PICALM: variants seen among roughly 807,000 people sequenced by gnomAD.
PICALM encodes phosphatidylinositol-binding clathrin assembly protein.
Under a neutral mutation model 80.5 loss-of-function variants are expected in PICALM, and 40 were observed. The observed-to-expected ratio is 0.50, with a 90% confidence interval of 0.39 to 0.65. The LOEUF (loss-of-function observed/expected upper bound fraction) is 0.65. Ranked by LOEUF, PICALM falls within the 30% of genes least tolerant of loss-of-function variation. The pLI, the probability that PICALM is intolerant of heterozygous loss-of-function variation, is 0.00. For synonymous variants in PICALM, 288 were observed against 260.3 expected (o/e 1.11, Z -1.02); for missense variants, 676 against 778.9 (o/e 0.87, Z 1.57).
chr11:85,962,602 AG>A (rs1455714922), intron 19 of PICALM, among the ~76,000 whole-genome samples: 2 of 152,208 alleles, frequency 1.3e-5, no homozygotes, highest in African/African-American at 4.8e-5. Flanking sequence ...AATGTTGAAA[AG>A]GATTACTTTT....
At chr11:86,068,474 G>A (rs2096479113) in intron 1 of PICALM, among the ~76,000 whole-genome samples, 177 bp downstream of exon 1, 2 of 152,074 alleles carry the variant, frequency 1.3e-5, no homozygotes, top group African/African-American at 2.4e-5. Flanking sequence ...CGGAGGCCGT[G>A]AAGGCAGGTG....
rs376518372 is a variant in PICALM at position 85,964,435 on chromosome 11, C to T, written c.1945-5375G>A. Reference sequence around the variant, plus strand: ...GTTTTGTAGAAAGATGGAACTGAATCTAATCCTAACTCTCTTATAAAATGG... The same window carrying T: ...GTTTTGTAGAAAGATGGAACTGAATTTAATCCTAACTCTCTTATAAAATGG... On this transcript the variant is annotated intron_variant, in intron 19 of 19. Coordinates refer to ENST00000393346, the MANE Select transcript of PICALM (RefSeq NM_007166.4). 8.5e-5 allele frequency among the ~76,000 whole-genome samples: 13 copies of T among 152,324 alleles called. No homozygotes were observed. The East Asian group carries it at 1.3e-3, about 16-fold the overall frequency.
intron 5 of PICALM, among the ~76,000 whole-genome samples, chr11:86,014,479 T>A (rs559825238): frequency 2.0e-5 from 3 of 152,276 alleles, no homozygotes; most frequent in East Asian, 1.9e-4. Flanking sequence ...CTATTTAAAC[T>A]TCTTCTTCTG....
Position 86,068,728 on chromosome 11 carries a change from G to C in PICALM, c.53C>G (p.Thr18Ser). 6.2e-7 allele frequency: 1 copy of C among 1,613,078 alleles called. No homozygotes were observed. Among genetic ancestry groups the C allele is most frequent in the Non-Finnish European group, 8.5e-7 (1 of 1,179,804 alleles). ...DRITAAQHSVTGSAVSKTVCK... is the reference protein window; with the variant it reads ...DRITAAQHSVSGSAVSKTVCK... Reference sequence around the variant, plus strand: ...TACTGTCTTGGATACGGCAGAGCCGGTGACACTGTGCTGGGCGGCAGTGAT... The same window carrying C: ...TACTGTCTTGGATACGGCAGAGCCGCTGACACTGTGCTGGGCGGCAGTGAT... Residue 18 changes from threonine to serine, a missense_variant, in exon 1 of 20, where the codon ACC becomes AGC. By Grantham distance (58) the Thr-to-Ser change is moderately conservative (BLOSUM62 1). Around this residue, in one of 2 missense-constraint regions of PICALM, gnomAD observed 285 missense variants for 395.4 expected, o/e 0.72. Transcript: ENST00000393346.
chr11:85,993,740 G>A (rs1368239926), intron 12 of PICALM, among the ~76,000 whole-genome samples: 4 of 151,854 alleles, frequency 2.6e-5, no homozygotes, highest in Admixed American at 6.6e-5. Flanking sequence ...CACACCTGGC[G>A]CAAAAGTTTA....
chr11:86,039,531 T>C (rs2095910160), intron 1 of PICALM, among the ~76,000 whole-genome samples: 1 of 152,178 alleles, frequency 6.6e-6, no homozygotes, highest in Non-Finnish European at 1.5e-5. Flanking sequence ...AACTATTCAA[T>C]AGAAAAACTG....
intron 1 of PICALM, among the ~76,000 whole-genome samples, chr11:86,032,753 GAA>G (rs987742301): frequency 5.3e-5 from 8 of 152,078 alleles, no homozygotes; most frequent in African/African-American, 1.9e-4. Context: ...ACAATAAAGG[GAA>G]AAAAGTTATT....
chr11:86,042,181 A>T (rs2095983080), intron 1 of PICALM, among the ~76,000 whole-genome samples: 1 of 152,150 alleles, frequency 6.6e-6, no homozygotes. Flanking sequence ...TTAGGATTCC[A>T]TTCTAGTACT....
intron 11 of PICALM, among the ~76,000 whole-genome samples, chr11:85,998,567 C>T (rs139573427): frequency 4.3e-4 from 65 of 151,856 alleles, no homozygotes; most frequent in Non-Finnish European, 7.8e-4. Context: ...CTGAGGCGTG[C>T]GGACTGCTTG....
chr11:85,978,592 T>C (rs1384537098), intron 17 of PICALM: 1 of 152,144 alleles, frequency 6.6e-6, no homozygotes, highest in Non-Finnish European at 1.5e-5. Flanking sequence ...GCAGTTTATC[T>C]TAAGTAGTGA....
intron 12 of PICALM, among the ~76,000 whole-genome samples, chr11:85,990,903 TGAA>T (rs1345693184): frequency 1.3e-5 from 2 of 151,952 alleles, no homozygotes; most frequent in African/African-American, 4.8e-5. Flanking sequence ...AAAATAAAGA[TGAA>T]GAAAAAAATC....
At chr11:85,995,778 GA>G (rs535343142) in intron 12 of PICALM, among the ~76,000 whole-genome samples, 1 of 152,072 alleles carries the variant, frequency 6.6e-6, no homozygotes, top group African/African-American at 2.4e-5. Flanking sequence ...ATAACATTAG[GA>G]TATTAAGAAA....
chr11:86,018,462 T>C (rs2095514216), intron 4 of PICALM, among the ~76,000 whole-genome samples: 1 of 152,236 alleles, frequency 6.6e-6, no homozygotes, highest in African/African-American at 2.4e-5. Flanking sequence ...TCAATTTTAA[T>C]AATTTATTCT....
chr11:85,969,414 T>C (rs568175999), intron 19 of PICALM, among the ~76,000 whole-genome samples: 2 of 152,332 alleles, frequency 1.3e-5, no homozygotes, highest in South Asian at 2.1e-4. Flanking sequence ...AAAGATTCCA[T>C]TTTGATGGAA....
At chr11:86,045,519 C>CAAAAAAAAAAAAAAAAAA (rs71040207) in intron 1 of PICALM, among the ~76,000 whole-genome samples, 1 of 47,802 alleles carries the variant, frequency 2.1e-5, no homozygotes, top group Non-Finnish European at 4.5e-5. Context: ...TCTTGAAATT[C>CAAAAAAAAAAAAAAAAAA]AAAAAAAAAA....
chr11:85,991,425 T>A (rs909710016), intron 12 of PICALM, among the ~76,000 whole-genome samples: 6 of 152,100 alleles, frequency 3.9e-5, no homozygotes, highest in Non-Finnish European at 8.8e-5. Context: ...GATTGAACAT[T>A]AAGAAGGCAA....
intron 1 of PICALM, among the ~76,000 whole-genome samples, chr11:86,054,149 A>G (rs1237047606): frequency 6.6e-6 from 1 of 152,200 alleles, no homozygotes; most frequent in African/African-American, 2.4e-5. Flanking sequence ...ACTTATTTGG[A>G]GAGCCAAACA....
chr11:86,028,644 C>T (rs1304825147), intron 2 of PICALM, among the ~76,000 whole-genome samples: 2 of 152,070 alleles, frequency 1.3e-5, no homozygotes, highest in Non-Finnish European at 2.9e-5. Context: ...ACCCAAGTCA[C>T]CCAGTTGGTA....
In PICALM at chr11:85,959,633, CAAAAAAAAAAA is replaced by C. The variant is rs1161064257; in HGVS notation, c.1945-584_1945-574del. Among the ~76,000 whole-genome samples the C allele has an allele frequency of 5.3e-4, 24 of 45,204 alleles. 1 individual carries two copies. The highest frequency in any genetic ancestry group is 7.1e-4 in the Non-Finnish European group (19 of 26,946). 29.7% of individuals were successfully genotyped at this position (45,204 alleles called of 152,430 possible). A position where few individuals can be genotyped will look rare whatever the true frequency, so the allele number is the denominator to read the frequency against. On this transcript the variant is annotated intron_variant, in intron 19 of 19. Transcript: ENST00000393346. ...GGGAGACAAGAGCGAAACTCCATCTCAAAAAAAAAAAAAAAAAAAAAAAGCTCATTGGAACT... is the reference window on the plus strand; with the variant it reads ...GGGAGACAAGAGCGAAACTCCATCTCAAAAAAAAAAAAGCTCATTGGAACT...
Sources: gnomAD v4.1 joint callset for allele counts (sites outside exome capture counted in the v4.1 genomes callset) on GRCh38, gnomAD v4.1.1 for gene constraint, gnomAD v4.1.1 regional missense constraint, MANE v1.5 for transcripts, NCBI Gene and HGNC (gene_info 2026-07-23, HGNC 2026-07-21) for gene names.